The following ULBP1 variants were observed in gnomAD, a reference collection of about 807,000 sequenced individuals.
ULBP1 encodes UL16 binding protein 1, also known as UL16-binding protein 1.
ULBP1 carries 28 observed loss-of-function variants against 25.3 expected under a neutral mutation model. That is an observed-to-expected ratio of 1.10 (90% CI 0.82 to 1.51). The LOEUF is 1.51. ULBP1 is among the 40% of genes most tolerant of loss of function. ULBP1 has a pLI of 0.00. For synonymous variants in ULBP1, 129 were observed against 103.0 expected (o/e 1.25, Z -1.53); for missense variants, 348 against 290.9 (o/e 1.20, Z -1.43).
intron 4 of ULBP1, 150 bp from the exon 5 acceptor site, chr6:149,971,219 G>A: frequency 2.2e-6 from 1 of 458,358 alleles, no homozygotes; most frequent in Non-Finnish European, 2.9e-6. Context: ...TTGGAACAGG[G>A]TACAGAGCCA....
At chr6:149,971,154 C>T (rs976465886) in intron 4 of ULBP1, among the ~76,000 whole-genome samples, 1 of 152,170 alleles carries the variant, frequency 6.6e-6, no homozygotes, top group South Asian at 2.1e-4. Flanking sequence ...GTGAGCCCCC[C>T]TGGGCTGTAA....
At chr6:149,964,581 G>GTCTCCCCGAAAATCGCGA (rs1779163414) in intron 1 of ULBP1, among the ~76,000 whole-genome samples, 2 of 147,672 alleles carry the variant, frequency 1.4e-5, no homozygotes, top group African/African-American at 5.0e-5. Flanking sequence ...GAACATCGCG[G>GTCTCCCCGAAAATCGCGA]TCTCCCCGAA....
At position 149,969,131 on chromosome 6, in the gene ULBP1, T is replaced by G. The variant is rs373277421; in HGVS notation, c.396T>G (p.His132Gln). The stretch of plus-strand genomic sequence containing the variant: ...GGATGTCTTGTGAGCATGAAGCCCA[T>G]GGACACGGCAGAGGATCTTGGCAGT... ...QARMSCEHEA[H>Q]GHGRGSWQFL... The change falls in exon 3 of 5, where the codon CAT (histidine) becomes CAG (glutamine). Residue 132 changes from histidine (H) to glutamine (Q), a missense_variant. Physicochemically the swap from His to Gln is conservative, Grantham distance 24. Coordinates refer to ENST00000229708, the MANE Select transcript of ULBP1 (RefSeq NM_025218.4). 1 of 1,614,224 alleles carries G rather than the reference T, an allele frequency of 6.2e-7. No individual in the cohort carries two copies. Among genetic ancestry groups the G allele is most frequent in the Non-Finnish European group, 8.5e-7 (1 of 1,180,046 alleles).
At chr6:149,965,676 C>T (rs1779192156) in intron 1 of ULBP1, among the ~76,000 whole-genome samples, 1 of 152,172 alleles carries the variant, frequency 6.6e-6, no homozygotes, top group Non-Finnish European at 1.5e-5. Context: ...CTTCCAGCAG[C>T]CCCAGGGCTC....
intron 1 of ULBP1, among the ~76,000 whole-genome samples, chr6:149,964,511 C>G (rs540224627): frequency 1.7e-4 from 25 of 148,958 alleles, no homozygotes; most frequent in African/African-American, 5.7e-4. Flanking sequence ...ACATCGTGGT[C>G]TCCCCGAACA....
At chr6:149,966,668 A>G (rs1354420117) in intron 1 of ULBP1, among the ~76,000 whole-genome samples, 2 of 152,016 alleles carry the variant, frequency 1.3e-5, no homozygotes, top group Admixed American at 1.3e-4. Flanking sequence ...TGTGGGGCCT[A>G]TATTCCTAAT....
intron 1 of ULBP1, among the ~76,000 whole-genome samples, chr6:149,966,786 A>G (rs965699016): frequency 2.6e-5 from 4 of 152,164 alleles, no homozygotes; most frequent in African/African-American, 9.7e-5. Flanking sequence ...GGACCACAGC[A>G]GGAGCCACTT....
At chr6:149,964,292 C>A (rs1044069622) in intron 1 of ULBP1, among the ~76,000 whole-genome samples, 158 bp downstream of exon 1, 9 of 151,678 alleles carry the variant, frequency 5.9e-5, no homozygotes, top group African/African-American at 2.2e-4. Flanking sequence ...CTCCGAACGT[C>A]GCGGTCTCCC....
chr6:149,969,705 C>A (rs1779277395), intron 3 of ULBP1, among the ~76,000 whole-genome samples: 1 of 152,196 alleles, frequency 6.6e-6, no homozygotes, highest in Non-Finnish European at 1.5e-5. Flanking sequence ...GTAAATCCAT[C>A]AAAATCACCT....
Position 149,972,837 on chromosome 6 carries a change from G to A in ULBP1, c.*1491G>A, listed in dbSNP as rs1247306633. ...CTTACCAGTCACAAAGTCAGAGATG[G>A]TGGTGAGGCTGCAGAGCAAAAGAAA... On this transcript the variant is annotated 3_prime_UTR_variant, in exon 5 of 5. Transcript: ENST00000229708. 1 of 152,196 alleles carries A rather than the reference G, an allele frequency of 6.6e-6. No homozygotes were observed. The highest frequency in any genetic ancestry group is 1.5e-5 in the Non-Finnish European group (1 of 68,034). 9.4% of individuals were successfully genotyped at this position (152,196 alleles called of 1,614,324 possible).
chr6:149,969,366 TGA>T lies in ULBP1; in HGVS notation c.625+10_625+11del. 1 of 1,611,208 alleles carries T rather than the reference TGA, an allele frequency of 6.2e-7. No homozygotes were observed. The highest frequency in any genetic ancestry group is 8.5e-7 in the Non-Finnish European group (1 of 1,177,682). ...ACAAATGCTGGATCCAACAAGTAAG[TGA>T]GAGGGGGATAAATGGAAGCTGTCTC... On this transcript the variant is annotated splice_region_variant and intron_variant, in intron 3 of 4. Transcript: ENST00000229708.
rs544001485 is a variant in ULBP1 at position 149,971,528 on chromosome 6, C to G, written c.*182C>G. ...CAGCAGACGATGAGGACATTGTCGG[C>G]TCAACATCTCAGGCCACTCATTACC... On this transcript the variant is annotated 3_prime_UTR_variant, in exon 5 of 5. Transcript: ENST00000229708. The G allele has an allele frequency of 5.5e-4, 204 of 370,652 alleles. No homozygotes were observed. Among genetic ancestry groups the G allele is most frequent in the African/African-American group, 4.3e-3 (190 of 44,234 alleles). The allele number at this position is 370,652 out of a possible 1,614,324, so 23.0% of individuals were successfully genotyped here.
intron 2 of ULBP1, 33 bp from the exon 3 acceptor site, chr6:149,969,052 A>C: frequency 6.2e-7 from 1 of 1,606,130 alleles, no homozygotes; most frequent in South Asian, 1.1e-5. Context: ...AGGCTTTGTC[A>C]AGATCAGAGC....
At chr6:149,969,978 C>A in intron 3 of ULBP1, 38 bp from the exon 4 acceptor site, 1 of 1,580,242 alleles carries the variant, frequency 6.3e-7, no homozygotes, top group Admixed American at 1.8e-5. Context: ...AGATTTTGAG[C>A]CTGGACAAGG....
chr6:149,970,699 G>T (rs1032187713), intron 4 of ULBP1, among the ~76,000 whole-genome samples: 2 of 152,266 alleles, frequency 1.3e-5, no homozygotes, highest in African/African-American at 4.8e-5. Context: ...AGTAGAGCGT[G>T]TCCAGGGTGA....
intron 1 of ULBP1, among the ~76,000 whole-genome samples, chr6:149,964,615 C>A (rs1172210631): frequency 6.7e-6 from 1 of 149,146 alleles, no homozygotes; most frequent in Non-Finnish European, 1.5e-5. Flanking sequence ...CCGAACATTG[C>A]CATCTCACCG....
intron 1 of ULBP1, among the ~76,000 whole-genome samples, chr6:149,966,595 G>A (rs1361254578): frequency 6.6e-6 from 1 of 152,198 alleles, no homozygotes; most frequent in Non-Finnish European, 1.5e-5. Context: ...TGCTTGTGCA[G>A]CTTCTTGGTT....
At chr6:149,969,400 A>G in intron 3 of ULBP1, 40 bp downstream of exon 3, 1 of 1,598,034 alleles carries the variant, frequency 6.3e-7, no homozygotes, top group East Asian at 2.2e-5. Context: ...TCTCGAGTTC[A>G]GATCTTATCA....
chr6:149,969,415 G>A, intron 3 of ULBP1, 55 bp downstream of exon 3: 2 of 1,586,586 alleles, frequency 1.3e-6, no homozygotes, highest in East Asian at 2.2e-5. Flanking sequence ...TTATCAGCTG[G>A]TGTATGTGTG....
Sources: gnomAD v4.1 joint callset for allele counts (sites outside exome capture counted in the v4.1 genomes callset) on GRCh38, gnomAD v4.1.1 for gene constraint, MANE v1.5 for transcripts, NCBI Gene and HGNC (gene_info 2026-07-23, HGNC 2026-07-21) for gene names.